RBP5: variants seen among roughly 807,000 people sequenced by gnomAD.
RBP5 encodes retinol-binding protein 5.
RBP5 carries 12 observed loss-of-function variants against 17.8 expected under a neutral mutation model. The ratio of observed to expected loss-of-function variants is 0.67; its 90% confidence interval spans 0.43 to 1.09. The LOEUF (loss-of-function observed/expected upper bound fraction) is 1.09, where lower values mean the gene tolerates loss of function less well. RBP5 is among the 50% of genes least tolerant of loss of function. The pLI is 0.00. For missense variants in RBP5, 172 were observed against 169.4 expected, an observed-to-expected ratio of 1.02 and a Z score of -0.09; for synonymous variants, 64 against 68.1, an observed-to-expected ratio of 0.94 and a Z score of 0.30.
Position 7,124,112 on chromosome 12 carries a change from C to T in RBP5, c.*9G>A. On this transcript the variant is annotated 3_prime_UTR_variant, in exon 4 of 4. Coordinates refer to ENST00000266560, the MANE Select transcript of RBP5 (RefSeq NM_031491.4). The surrounding 1 kb of genome is among the most constrained non-coding windows in gnomAD (Gnocchi z 5.3). ...GGTGCTGTCTGGAGGGATCTTGGCTCCTCTCCGGCTATCTGACCTTCCTGA... is the reference window on the plus strand; with the variant it reads ...GGTGCTGTCTGGAGGGATCTTGGCTTCTCTCCGGCTATCTGACCTTCCTGA... 1 of 1,613,554 alleles carries T rather than the reference C, an allele frequency of 6.2e-7. No homozygotes were observed. Among genetic ancestry groups the T allele is most frequent in the Non-Finnish European group, 8.5e-7 (1 of 1,179,530 alleles).
intron 2 of RBP5, among the ~76,000 whole-genome samples, chr12:7,127,933 C>T (rs1264232803): frequency 6.6e-6 from 1 of 152,244 alleles, no homozygotes; most frequent in Non-Finnish European, 1.5e-5. Context: ...AAAAGGGACT[C>T]TGGGTGACCA....
rs1939015431 is a variant in RBP5 at position 7,117,150 on chromosome 12, C to T, written n.1047G>A. On this transcript the variant is annotated non_coding_transcript_exon_variant, in exon 4 of 4. Coordinates refer to the RBP5 transcript ENST00000619522. This position sits in a 1 kb window ranked among gnomAD's most constrained non-coding sequence, Gnocchi z 4.9. ...CAGTTCCCTGCCACATGGCCCTCCTCATAGGACGCTTGAGTGTCCTCGCGG... is the reference window on the plus strand; with the variant it reads ...CAGTTCCCTGCCACATGGCCCTCCTTATAGGACGCTTGAGTGTCCTCGCGG... 2 of 152,248 alleles carry T rather than the reference C, an allele frequency of 1.3e-5. No individual in the cohort carries two copies. The highest frequency in any genetic ancestry group is 6.5e-5 in the Admixed American group (1 of 15,290). 9.4% of individuals were successfully genotyped at this position (152,248 alleles called of 1,614,324 possible).
At position 7,124,367 on chromosome 12, in the gene RBP5, G is replaced by A. The variant is rs1939124850; in HGVS notation, c.355-193C>T. ...CAGGAAGGAAGGTGGCTGGGTCAGG[G>A]GATGTGAGTGGCTGAAGCCTCCATC... On this transcript the variant is annotated intron_variant, in intron 3 of 3. Coordinates refer to ENST00000266560, the MANE Select transcript of RBP5 (RefSeq NM_031491.4). This position sits in a 1 kb window ranked among gnomAD's most constrained non-coding sequence, Gnocchi z 5.3. Among the ~76,000 whole-genome samples, 1 of 152,138 alleles carries A rather than the reference G, an allele frequency of 6.6e-6. No homozygotes were observed.
At position 7,128,547 on chromosome 12, in the gene RBP5, T is replaced by C. The variant is rs906445843; in HGVS notation, c.74-129A>G. On this transcript the variant is annotated intron_variant, in intron 1 of 3. Coordinates refer to ENST00000266560, the MANE Select transcript of RBP5 (RefSeq NM_031491.4). The surrounding 1 kb of genome is among the most constrained non-coding windows in gnomAD (Gnocchi z 5.3). ...CTGTGGATTCACCCCCTCCTACCAA[T>C]GCCTGGTTAGAAATGGATCCCAGGT... 1.2e-5 allele frequency: 15 copies of C among 1,201,906 alleles called. No individual in the cohort carries two copies. The highest frequency in any genetic ancestry group is 4.1e-5 in the South Asian group (3 of 73,842). 74.5% of individuals were successfully genotyped at this position (1,201,906 alleles called of 1,614,324 possible).
intron 2 of RBP5, among the ~76,000 whole-genome samples, chr12:7,126,503 TGGTG>T (rs1565645299): frequency 2.0e-4 from 6 of 29,360 alleles, no homozygotes; most frequent in Non-Finnish European, 3.5e-4. Flanking sequence ...GTGGTGGTGG[TGGTG>T]GTGGTGTGTG....
At chr12:7,121,390 C>T (rs60310608), downstream of RBP5, among the ~76,000 whole-genome samples, 3,658 of 152,228 alleles carry the variant, frequency 0.024, 155 homozygotes, top group African/African-American at 0.083. Flanking sequence ...GGATTGGACC[C>T]GGGATGGCCT....
rs1022828114 is a variant in RBP5 at position 7,124,719 on chromosome 12, G to C, written c.264C>G (p.Thr88=). 6.2e-7 allele frequency: 1 copy of C among 1,606,462 alleles called. No homozygotes were observed. Among genetic ancestry groups the C allele is most frequent in the East Asian group, 2.2e-5 (1 of 44,830 alleles). Residue 88 remains threonine, a synonymous_variant, in exon 3 of 4, where the codon ACC becomes ACG. Transcript: ENST00000266560. This position sits in a 1 kb window ranked among gnomAD's most constrained non-coding sequence, Gnocchi z 5.3. Reference sequence around the variant, plus strand: ...CACACACCAGGTGCTCCTCCTCCCAGGTTACTATGGTCTATAGGGGAAAGA... The same window carrying C: ...CACACACCAGGTGCTCCTCCTCCCACGTTACTATGGTCTATAGGGGAAAGA... ...VDGRKCQTIV[T]WEEEHLVCVQ... is the part of the protein sequence containing the mutation.
upstream of RBP5, chr12:7,128,905 C>T (rs993749244): frequency 2.2e-5 from 17 of 767,254 alleles, no homozygotes; most frequent in African/African-American, 5.2e-5. The surrounding 1 kb of genome is among the most constrained non-coding windows in gnomAD (Gnocchi z 5.3). Flanking sequence ...GGCCGGGTTA[C>T]CAGGGCTTTT....
chr12:7,125,053 T>G (rs1186106666), intron 2 of RBP5, among the ~76,000 whole-genome samples: 3 of 152,120 alleles, frequency 2.0e-5, no homozygotes, highest in East Asian at 3.9e-4. Flanking sequence ...ATTACAGGCG[T>G]GCACCAACAT....
chr12:7,126,575 T>G (rs1939169268), intron 2 of RBP5, among the ~76,000 whole-genome samples: 1 of 146,448 alleles, frequency 6.8e-6, no homozygotes, highest in African/African-American at 2.6e-5. Flanking sequence ...AGCCTAGAGG[T>G]AAGGAAACAA....
At chr12:7,127,580 ATTTGCAG>A (rs1403018592) in intron 2 of RBP5, 1 of 642,842 alleles carries the variant, frequency 1.6e-6, no homozygotes, top group African/African-American at 1.8e-5. Context: ...ATATTTTTCC[ATTTGCAG>A]TTTGCTGAAG....
At chr12:7,119,276 T>G (rs1591606236), downstream of RBP5, among the ~76,000 whole-genome samples, 1 of 152,130 alleles carries the variant, frequency 6.6e-6, no homozygotes, top group East Asian at 1.9e-4. Context: ...GCAGTGGCAC[T>G]GGGCTGGGCA....
chr12:7,128,991 G>T, upstream of RBP5: 2 of 537,858 alleles, frequency 3.7e-6, no homozygotes, highest in Non-Finnish European at 6.9e-6. This position sits in a 1 kb window ranked among gnomAD's most constrained non-coding sequence, Gnocchi z 5.3. Context: ...TTTGGGGGTG[G>T]TGTCTCCAGC....
Position 7,124,308 on chromosome 12 carries a change from T to C in RBP5, c.355-134A>G, listed in dbSNP as rs901156681. Reference sequence around the variant, plus strand: ...TGAGTGTTTGATGTATGGGCAATTGTATCATTATTCCACATCCTCAACTTT... The same window carrying C: ...TGAGTGTTTGATGTATGGGCAATTGCATCATTATTCCACATCCTCAACTTT... On this transcript the variant is annotated intron_variant, in intron 3 of 3. Coordinates refer to ENST00000266560, the MANE Select transcript of RBP5 (RefSeq NM_031491.4). The surrounding 1 kb of genome is among the most constrained non-coding windows in gnomAD (Gnocchi z 5.3). 8.0e-5 allele frequency: 62 copies of C among 771,198 alleles called. No homozygotes were observed. In the Admixed American group the frequency reaches 1.0e-3, roughly 13 times the overall value. 47.8% of individuals were successfully genotyped at this position (771,198 alleles called of 1,614,324 possible).
chr12:7,128,246 T>C lies in RBP5; in HGVS notation c.246A>G (p.Lys82=). The C allele has an allele frequency of 6.2e-7, 1 of 1,609,652 alleles. No individual in the cohort carries two copies. Among genetic ancestry groups the C allele is most frequent in the Non-Finnish European group, 8.5e-7 (1 of 1,176,876 alleles). ...CCAGCCAGGGGAAATGTACCTGGCA[T>C]TTTCGTCCGTCCACGCTCCTGAGGT... ...EEDLRSVDGR[K]CQTIVTWEEE... is the part of the protein sequence containing the mutation. Residue 82 remains lysine (K), a synonymous_variant, in exon 2 of 4, where the codon AAA becomes AAG. Transcript: ENST00000266560. This position sits in a 1 kb window ranked among gnomAD's most constrained non-coding sequence, Gnocchi z 5.3.
chr12:7,129,353 C>T (rs1184737939), upstream of RBP5: 1 of 169,952 alleles, frequency 5.9e-6, no homozygotes, highest in Non-Finnish European at 1.3e-5. This position sits in a 1 kb window ranked among gnomAD's most constrained non-coding sequence, Gnocchi z 5.5. Context: ...TGAAGAGCAC[C>T]CTGTAGGCCT....
Position 7,128,566 on chromosome 12 carries a change from C to T in RBP5, c.73+137G>A. The T allele has an allele frequency of 3.4e-6, 4 of 1,184,340 alleles. No homozygotes were observed. In the South Asian group the frequency reaches 4.0e-5, roughly 12 times the overall value. 73.4% of individuals were successfully genotyped at this position (1,184,340 alleles called of 1,614,324 possible). On this transcript the variant is annotated intron_variant, in intron 1 of 3. Transcript: ENST00000266560. The surrounding 1 kb of genome is among the most constrained non-coding windows in gnomAD (Gnocchi z 5.3). ...TACCAATGCCTGGTTAGAAATGGAT[C>T]CCAGGTCTGGTGCCAGCCGCCTGAG...
In RBP5 at chr12:7,128,563, G is replaced by T; in HGVS notation, c.73+140C>A. On this transcript the variant is annotated intron_variant, in intron 1 of 3. Coordinates refer to ENST00000266560, the MANE Select transcript of RBP5 (RefSeq NM_031491.4). This position sits in a 1 kb window ranked among gnomAD's most constrained non-coding sequence, Gnocchi z 5.3. ...TCCTACCAATGCCTGGTTAGAAATG[G>T]ATCCCAGGTCTGGTGCCAGCCGCCT... The T allele has an allele frequency of 8.5e-7, 1 of 1,183,414 alleles. No homozygotes were observed. The highest frequency in any genetic ancestry group is 1.3e-5 in the South Asian group (1 of 74,410). 73.3% of individuals were successfully genotyped at this position (1,183,414 alleles called of 1,614,324 possible).
downstream of RBP5, among the ~76,000 whole-genome samples, chr12:7,121,217 T>C (rs1221756186): frequency 1.3e-5 from 2 of 151,836 alleles, no homozygotes; most frequent in Non-Finnish European, 2.9e-5. Flanking sequence ...TTACTTGGGG[T>C]ACTTAAGGCT....
Sources: allele counts gnomAD v4.1 joint callset (sites outside exome capture counted in the v4.1 genomes callset), GRCh38; gene constraint gnomAD v4.1.1; non-coding constraint Gnocchi (gnomAD v3.1); transcripts MANE v1.5; gene names NCBI Gene and HGNC (gene_info 2026-07-23, HGNC 2026-07-21).